The following SIPA1L1 variants were observed in gnomAD, a reference collection of about 807,000 sequenced individuals.
SIPA1L1 encodes the protein signal induced proliferation associated 1 like 1.
SIPA1L1 carries 26 observed loss-of-function variants against 162.7 expected under a neutral mutation model. That is an observed-to-expected ratio of 0.16 (90% CI 0.12 to 0.22). The LOEUF is 0.22. SIPA1L1 is among the 10% of genes least tolerant of loss of function. The pLI, the probability that SIPA1L1 is intolerant of heterozygous loss-of-function variation, is 1.00. For synonymous variants in SIPA1L1, 829 were observed against 837.4 expected (o/e 0.99, Z 0.17); for missense variants, 1,874 against 2,241.0 (o/e 0.84, Z 3.31).
At chr14:71,535,593 C>G (rs908155468) in intron 4 of SIPA1L1, among the ~76,000 whole-genome samples, 1 of 151,874 alleles carries the variant, frequency 6.6e-6, no homozygotes, top group Non-Finnish European at 1.5e-5. Flanking sequence ...GTCAGAATCC[C>G]TCCTAGGTTT....
chr14:71,460,195 G>A (rs140561009), intron 2 of SIPA1L1, among the ~76,000 whole-genome samples: 21 of 152,298 alleles, frequency 1.4e-4, no homozygotes, highest in African/African-American at 4.8e-4. Flanking sequence ...AGCTGACCAC[G>A]TGGTCGTAGC....
chr14:71,542,190 G>A (rs565925483), intron 4 of SIPA1L1, among the ~76,000 whole-genome samples: 7 of 152,098 alleles, frequency 4.6e-5, no homozygotes, highest in South Asian at 4.2e-4. Flanking sequence ...AGCTCAAGCC[G>A]TCCTCCCCAC....
chr14:71,511,903 T>C (rs763202776), intron 2 of SIPA1L1, among the ~76,000 whole-genome samples: 8 of 152,228 alleles, frequency 5.3e-5, no homozygotes, highest in Non-Finnish European at 1.0e-4. Flanking sequence ...TGAACACATT[T>C]AGGTGCTGTG....
In SIPA1L1 at chr14:71,723,678, G is replaced by A. The variant is rs780488356; in HGVS notation, c.4240G>A (p.Val1414Met). Residue 1414 changes from valine to methionine, a missense_variant, in exon 18 of 24, where the codon GTG becomes ATG. Coordinates refer to ENST00000381232, the MANE Select transcript of SIPA1L1 (RefSeq NM_001386936.1). ...GAGCTCCCGACACTCTGCCAGCCCA[G>A]TGGTTTTCACCAGTGCCCGGAGTTC... The part of the protein sequence containing the change: ...TMSSRHSASP[V>M]VFTSARSSPK... 1.9e-6 allele frequency: 3 copies of A among 1,614,182 alleles called. No homozygotes were observed. Among genetic ancestry groups the A allele is most frequent in the Non-Finnish European group, 2.5e-6 (3 of 1,180,040 alleles).
chr14:71,580,647 A>T (rs2033797078), intron 4 of SIPA1L1, among the ~76,000 whole-genome samples: 1 of 152,228 alleles, frequency 6.6e-6, no homozygotes, highest in Admixed American at 6.5e-5. Context: ...GATTTAGCAC[A>T]AGAACATCTT....
chr14:71,680,375 C>A (rs2045682298), intron 12 of SIPA1L1, among the ~76,000 whole-genome samples: 1 of 152,104 alleles, frequency 6.6e-6, no homozygotes, highest in South Asian at 2.1e-4. Flanking sequence ...TCTTTGAAAC[C>A]AATGAGAACA....
At chr14:71,611,022 G>T (rs1203970035) in intron 5 of SIPA1L1, among the ~76,000 whole-genome samples, 1 of 152,192 alleles carries the variant, frequency 6.6e-6, no homozygotes, top group Non-Finnish European at 1.5e-5. Context: ...CTGTTTAAAT[G>T]TCCCCATCCA....
intron 17 of SIPA1L1, among the ~76,000 whole-genome samples, chr14:71,722,863 G>A (rs1040486327): frequency 6.6e-6 from 1 of 152,078 alleles, no homozygotes; most frequent in Non-Finnish European, 1.5e-5. Flanking sequence ...AGCCTCCCAA[G>A]TAGTTGGGAT....
intron 3 of SIPA1L1, among the ~76,000 whole-genome samples, chr14:71,515,286 A>G (rs1438154260): frequency 6.6e-6 from 1 of 152,238 alleles, no homozygotes; most frequent in African/African-American, 2.4e-5. Flanking sequence ...GGCTTAATAA[A>G]TTCAGTGACT....
At chr14:71,691,565 C>T (rs541105911) in intron 13 of SIPA1L1, among the ~76,000 whole-genome samples, 2 of 152,300 alleles carry the variant, frequency 1.3e-5, no homozygotes, top group Admixed American at 1.3e-4. Context: ...TGCACTTCAG[C>T]CGGGGTAACA....
chr14:71,411,313 A>G (rs2042387465), intron 2 of SIPA1L1, among the ~76,000 whole-genome samples: 1 of 152,032 alleles, frequency 6.6e-6, no homozygotes, highest in African/African-American at 2.4e-5. Context: ...AAAAGGGGGT[A>G]GAGGTTAAAT....
At chr14:71,478,651 A>T (rs183680615) in intron 2 of SIPA1L1, among the ~76,000 whole-genome samples, 1 of 152,108 alleles carries the variant, frequency 6.6e-6, no homozygotes, top group Non-Finnish European at 1.5e-5. Context: ...CCAAGAATCA[A>T]TTGGTTATAT....
At chr14:71,417,998 G>A (rs574870091) in intron 2 of SIPA1L1, 1 of 152,236 alleles carries the variant, frequency 6.6e-6, no homozygotes, top group African/African-American at 2.4e-5. Context: ...AAATCCTTTA[G>A]CCTAACAAAC....
intron 7 of SIPA1L1, among the ~76,000 whole-genome samples, chr14:71,632,703 G>A (rs142143370): frequency 2.4e-4 from 37 of 152,264 alleles, no homozygotes; most frequent in Non-Finnish European, 4.1e-4. Context: ...TAGTAATCAT[G>A]CATGCCTGAT....
chr14:71,340,415 T>G (rs1450693567), intron 2 of SIPA1L1, among the ~76,000 whole-genome samples: 5 of 152,176 alleles, frequency 3.3e-5, no homozygotes, highest in Non-Finnish European at 7.3e-5. Flanking sequence ...ACCAGTGAAT[T>G]CATTCTGTGT....
intron 2 of SIPA1L1, among the ~76,000 whole-genome samples, chr14:71,435,863 C>A (rs2044341859): frequency 6.6e-6 from 1 of 152,156 alleles, no homozygotes; most frequent in Admixed American, 6.5e-5. Flanking sequence ...TTAATGGTCA[C>A]CATTCTAACT....
chr14:71,614,710 A>G (rs2038629005), intron 5 of SIPA1L1, among the ~76,000 whole-genome samples: 2 of 152,214 alleles, frequency 1.3e-5, no homozygotes, highest in South Asian at 4.1e-4. Context: ...GTTTATAATT[A>G]TCCCATCACC....
intron 2 of SIPA1L1, among the ~76,000 whole-genome samples, chr14:71,406,072 T>C (rs1309724020): frequency 1.3e-5 from 2 of 151,970 alleles, no homozygotes; most frequent in Non-Finnish European, 2.9e-5. Context: ...GTGAAGACAG[T>C]GGAGATGGAG....
intron 2 of SIPA1L1, among the ~76,000 whole-genome samples, chr14:71,462,152 A>G (rs1283418662): frequency 1.3e-5 from 2 of 152,356 alleles, no homozygotes; most frequent in African/African-American, 4.8e-5. Flanking sequence ...GATGACCCAT[A>G]GTCAAATGTT....
Sources: allele counts gnomAD v4.1 joint callset (sites outside exome capture counted in the v4.1 genomes callset), GRCh38; gene constraint gnomAD v4.1.1; transcripts MANE v1.5; gene names NCBI Gene and HGNC (gene_info 2026-07-23, HGNC 2026-07-21).